Variants in NFKBIZ observed in about 807,000 individuals in gnomAD.
The protein encoded by NFKBIZ is NF-kappa-B inhibitor zeta.
In NFKBIZ, 19 loss-of-function variants were observed where a neutral mutation model predicts 76.8. The ratio of observed to expected loss-of-function variants is 0.25; its 90% confidence interval spans 0.17 to 0.36. NFKBIZ has a LOEUF of 0.36. NFKBIZ is among the 10% of genes least tolerant of loss of function. The pLI, the probability that NFKBIZ is intolerant of heterozygous loss-of-function variation, is 1.00. For synonymous variants in NFKBIZ, 368 were observed against 354.8 expected (o/e 1.04, Z -0.42); for missense variants, 829 against 910.9 (o/e 0.91, Z 1.16).
At chr3:101,854,730 G>A in intron 6 of NFKBIZ, 47 bp downstream of exon 6, 1 of 1,282,250 alleles carries the variant, frequency 7.8e-7, no homozygotes, top group Non-Finnish European at 1.1e-6. Flanking sequence ...GGGTCATGGT[G>A]AAGTGAATGA....
At chr3:101,854,508 T>C in intron 5 of NFKBIZ, 70 bp from the exon 6 acceptor site, 1 of 942,748 alleles carries the variant, frequency 1.1e-6, no homozygotes, top group Non-Finnish European at 1.7e-6. Flanking sequence ...AAGATTTTTT[T>C]TTTTTTTTCA....
At chr3:101,829,898 T>G (rs1203117735) in intron 2 of NFKBIZ, among the ~76,000 whole-genome samples, 1 of 152,074 alleles carries the variant, frequency 6.6e-6, no homozygotes, top group Non-Finnish European at 1.5e-5. Flanking sequence ...TGTGTGTGTG[T>G]GTGGTTTAGT....
At chr3:101,852,367 T>C (rs2107415224) in intron 2 of NFKBIZ, 143 bp downstream of exon 2, 1 of 1,053,164 alleles carries the variant, frequency 9.5e-7, no homozygotes, top group East Asian at 2.4e-5. Flanking sequence ...ACAGAGACCA[T>C]ATTTGTCTGG....
chr3:101,854,486 G>C, intron 5 of NFKBIZ, 92 bp from the exon 6 acceptor site: 1 of 752,542 alleles, frequency 1.3e-6, no homozygotes, highest in South Asian at 1.7e-5. Context: ...TATATAAAAA[G>C]GGGGCTAAAG....
chr3:101,837,445 A>C (rs1421328998), intron 2 of NFKBIZ, among the ~76,000 whole-genome samples: 2 of 147,328 alleles, frequency 1.4e-5, no homozygotes, highest in Non-Finnish European at 3.0e-5. Flanking sequence ...ATAGTGGGTG[A>C]TTGAGCCACA....
chr3:101,853,662 G>C lies in NFKBIZ; in HGVS notation c.1136G>C (p.Ser379Thr). 1 of 1,614,230 alleles carries C rather than the reference G, an allele frequency of 6.2e-7. No homozygotes were observed. Among genetic ancestry groups the C allele is most frequent in the Non-Finnish European group, 8.5e-7 (1 of 1,180,040 alleles). The stretch of plus-strand genomic sequence containing the variant: ...TTGCACAGCTTCAGCATGATGCCCA[G>C]CAGCGCCTGTGAGGCCATGGTGGGG... ...AHLHSFSMMP[S>T]SACEAMVGHE... The change falls in exon 5 of 12, where the codon AGC becomes ACC. Residue 379 changes from serine (S) to threonine (T), a missense_variant. This residue lies in a region of NFKBIZ where 371 missense variants were observed against 332.3 expected (regional missense o/e 1.12). Transcript: ENST00000326172.
chr3:101,854,617 T>C lies in NFKBIZ; in HGVS notation c.1377T>C (p.Leu459=). The C allele has an allele frequency of 6.2e-7, 1 of 1,614,056 alleles. No individual in the cohort carries two copies. Among genetic ancestry groups the C allele is most frequent in the African/African-American group, 1.3e-5 (1 of 75,006 alleles). ...CTGTTGCCCAAGGGAGAAGGGCACT[T>C]TCCTATGTTCTTGCAAGAAAGATGA... The part of the protein sequence containing the change: ...HIAVAQGRRA[L]SYVLARKMNA... The change falls in exon 6 of 12, where the codon CTT becomes CTC. Residue 459 remains leucine, a synonymous_variant. Transcript: ENST00000326172.
In NFKBIZ at chr3:101,855,124, C is replaced by A; in HGVS notation, c.1506C>A (p.Ile502=). Residue 502 remains isoleucine, a synonymous_variant, in exon 7 of 12, where the codon ATC becomes ATA. Transcript: ENST00000326172. ...TCATTGTGCAGGATCTGGTGAACATCGGGGCACAGGTGAACACCACAGACT... is the reference window on the plus strand; with the variant it reads ...TCATTGTGCAGGATCTGGTGAACATAGGGGCACAGGTGAACACCACAGACT... ...QHLIVQDLVN[I]GAQVNTTDCW... 1 of 1,613,934 alleles carries A rather than the reference C, an allele frequency of 6.2e-7. No individual in the cohort carries two copies. The highest frequency in any genetic ancestry group is 8.5e-7 in the Non-Finnish European group (1 of 1,179,962).
At chr3:101,857,719 G>C (rs1414536871) in intron 11 of NFKBIZ, 1 of 985,310 alleles carries the variant, frequency 1.0e-6, no homozygotes, top group Non-Finnish European at 1.2e-6. Flanking sequence ...TAGGGTTAGA[G>C]TAAGTCAGAA....
At position 101,857,074 on chromosome 3, in the gene NFKBIZ, A is replaced by T; in HGVS notation, c.1826A>T (p.Asp609Val). 3 of 1,601,322 alleles carry T rather than the reference A, an allele frequency of 1.9e-6. No individual in the cohort carries two copies. Among genetic ancestry groups the T allele is most frequent in the Non-Finnish European group, 2.6e-6 (3 of 1,172,172 alleles). ...TTCCTCCCTCTTGCCTTTGACAAGG[A>T]TCGCAAAAGTGGCCGCACAGCCCTG... ...IQMGAAVEAK[D>V]RKSGRTALHL... The change falls in exon 10 of 12, where the codon GAT becomes GTT. Residue 609 changes from aspartate to valine, a missense_variant and splice_region_variant. Asp to Val is a radical substitution (Grantham distance 152, BLOSUM62 -3). Around this residue, in one of 4 missense-constraint regions of NFKBIZ, gnomAD observed 272 missense variants for 384.2 expected, o/e 0.71. Transcript: ENST00000326172.
intron 2 of NFKBIZ, among the ~76,000 whole-genome samples, chr3:101,831,338 A>G (rs1477030858): frequency 6.6e-6 from 1 of 152,246 alleles, no homozygotes; most frequent in African/African-American, 2.4e-5. Flanking sequence ...GGGGATGATT[A>G]GGAAAAAGAT....
At position 101,849,609 on chromosome 3, in the gene NFKBIZ, C is replaced by A. The variant is rs1942914311; in HGVS notation, c.-20C>A. ...CCGGTGGCGCAGGTGTCGGGGTCCT[C>A]GAGCGCCCAGCCTGGGAGCATGATT... is the stretch of plus-strand genomic sequence containing the variant. On this transcript the variant is annotated 5_prime_UTR_variant, in exon 1 of 12. Transcript: ENST00000326172. 7.5e-7 allele frequency: 1 copy of A among 1,327,236 alleles called. No individual in the cohort carries two copies. Among genetic ancestry groups the A allele is most frequent in the East Asian group, 3.0e-5 (1 of 33,248 alleles). The allele number at this position is 1,327,236 out of a possible 1,614,324, so 82.2% of individuals were successfully genotyped here.
At chr3:101,834,452 C>T (rs193101856) in intron 2 of NFKBIZ, among the ~76,000 whole-genome samples, 38 of 152,202 alleles carry the variant, frequency 2.5e-4, no homozygotes, top group East Asian at 5.8e-4. Flanking sequence ...TCTCTGCCTC[C>T]GGGGTTCAAG....
At chr3:101,829,876 T>TG (rs1267271115) in intron 2 of NFKBIZ, among the ~76,000 whole-genome samples, 27 of 149,834 alleles carry the variant, frequency 1.8e-4, no homozygotes, top group Admixed American at 3.3e-4. Context: ...GAACTAAGAT[T>TG]TTTTGTGTGT....
Position 101,860,812 on chromosome 3 carries a change from AAAG to A in NFKBIZ, c.*1444_*1446del, listed in dbSNP as rs1467323235. 4.2e-4 allele frequency: 63 copies of A among 151,640 alleles called. No homozygotes were observed. The highest frequency in any genetic ancestry group is 8.9e-4 in the African/African-American group (37 of 41,468). The allele number at this position is 151,640 out of a possible 1,614,324, so 9.4% of individuals were successfully genotyped here. On this transcript the variant is annotated 3_prime_UTR_variant, in exon 12 of 12. Coordinates refer to ENST00000326172, the MANE Select transcript of NFKBIZ (RefSeq NM_031419.4). ...ACCTTTTTTTTTTAAAAAAAAAAAA[AAAG>A]AAAATCTCATTAGTGAACTTATCTT...
rs190901674 is a variant in NFKBIZ, at chr3:101,859,835, C to T, written c.*464C>T. ...TTACTGGCGTTGGACAGGCTTCAGT[C>T]ATTGGACTAGATGAAAGGTGTCCAT... On this transcript the variant is annotated 3_prime_UTR_variant, in exon 12 of 12. Transcript: ENST00000326172. 1 of 156,286 alleles carries T rather than the reference C, an allele frequency of 6.4e-6. No individual in the cohort carries two copies. Among genetic ancestry groups the T allele is most frequent in the African/African-American group, 2.4e-5 (1 of 41,604 alleles). 9.7% of individuals were successfully genotyped at this position (156,286 alleles called of 1,614,324 possible). A position where few individuals can be genotyped will look rare whatever the true frequency, so the allele number is the denominator to read the frequency against.
At chr3:101,856,839 C>G (rs1447595248) in intron 9 of NFKBIZ, 3 of 417,622 alleles carry the variant, frequency 7.2e-6, no homozygotes, top group South Asian at 4.8e-5. Context: ...TATGGCCACC[C>G]TGTATAAAAA....
intron 9 of NFKBIZ, 189 bp from the exon 10 acceptor site, chr3:101,856,884 A>G: frequency 1.9e-6 from 1 of 525,614 alleles, no homozygotes; most frequent in African/African-American, 1.9e-5. Context: ...AGACAAATTA[A>G]TAGGAAATTT....
At chr3:101,853,069 G>A (rs1454016521) in intron 4 of NFKBIZ, 22 bp from the exon 5 acceptor site, 1 of 1,612,040 alleles carries the variant, frequency 6.2e-7, no homozygotes, top group Non-Finnish European at 8.5e-7. Flanking sequence ...GAGTGTGCAA[G>A]TTGCATTTTC....
Sources: gnomAD v4.1 joint callset for allele counts (sites outside exome capture counted in the v4.1 genomes callset) on GRCh38, gnomAD v4.1.1 for gene constraint, gnomAD v4.1.1 regional missense constraint, MANE v1.5 for transcripts, NCBI Gene and HGNC (gene_info 2026-07-23, HGNC 2026-07-21) for gene names.